The following USP9X variants were observed in gnomAD, a reference collection of about 807,000 sequenced individuals.
The protein encoded by USP9X is ubiquitin specific peptidase 9 X-linked, also known as ubiquitin carboxyl-terminal hydrolase 9X.
USP9X carries 7 observed loss-of-function variants against 190.3 expected under a neutral mutation model. The ratio of observed to expected loss-of-function variants is 0.04; its 90% CI spans 0.02 to 0.07. USP9X has a LOEUF of 0.07. USP9X is among the 10% of genes least tolerant of loss of function. USP9X has a pLI of 1.00. For missense variants in USP9X, 1,010 were observed against 1,916.9 expected, an observed-to-expected ratio of 0.53 and a Z score of 8.83; for synonymous variants, 645 against 659.5, an observed-to-expected ratio of 0.98 and a Z score of 0.34.
At chrX:41,182,193 A>G (rs1260822372) in intron 21 of USP9X, among the ~76,000 whole-genome samples, 3 of 111,432 alleles carry the variant, frequency 2.7e-5, no homozygotes, top group African/African-American at 6.5e-5. Context: ...GCAACATGGC[A>G]TAACTCTGTC....
At position 41,152,935 on chromosome X, in the gene USP9X, C is replaced by A; in HGVS notation, c.1764-13C>A. 8.3e-7 allele frequency: 1 copy of A among 1,203,317 alleles called. No individual in the cohort carries two copies. Among genetic ancestry groups the A allele is most frequent in the South Asian group, 1.8e-5 (1 of 55,381 alleles). On this transcript the variant is annotated splice_polypyrimidine_tract_variant and intron_variant, in intron 13 of 44. Coordinates refer to ENST00000378308, the MANE Select transcript of USP9X (RefSeq NM_001039591.3). ...AATTGCCTAATTATATTGTTAAGTT[C>A]TTCTCGTTTCAGTCAAACTCAGCGA...
At chrX:41,214,129 A>C (rs1474269481) in intron 33 of USP9X, among the ~76,000 whole-genome samples, 1 of 112,250 alleles carries the variant, frequency 8.9e-6, no homozygotes, top group Non-Finnish European at 1.9e-5. Context: ...ACAGAAAAGG[A>C]AGAATATATA....
At chrX:41,096,149 A>G (rs766260124) in intron 1 of USP9X, among the ~76,000 whole-genome samples, 6 of 112,369 alleles carry the variant, frequency 5.3e-5, no homozygotes, top group African/African-American at 9.7e-5. Flanking sequence ...TACTCTCTCA[A>G]TGTGGTTCCT....
chrX:41,158,043 G>A (rs890529349), intron 14 of USP9X, among the ~76,000 whole-genome samples: 5 of 111,396 alleles, frequency 4.5e-5, no homozygotes, highest in African/African-American at 1.6e-4. Context: ...GCTGGCAGAA[G>A]AATGAATCAG....
rs997468247 is a variant in USP9X, at chrX:41,085,754, TGCAGGAGGAGGA to T, written c.-502_-491del. ...GACTAGGGGAAGGTGAAGCCGTCGC[TGCAGGAGGAGGA>T]GCAGGAGGAGGTGACGCAGGAGAAA... On this transcript the variant is annotated 5_prime_UTR_variant, in exon 1 of 45. Coordinates refer to ENST00000378308, the MANE Select transcript of USP9X (RefSeq NM_001039591.3). 26 of 297,388 alleles carry T rather than the reference TGCAGGAGGAGGA, an allele frequency of 8.7e-5. No homozygotes were observed. The highest frequency in any genetic ancestry group is 8.6e-4 in the Middle Eastern group (1 of 1,159). 24.5% of individuals were successfully genotyped at this position (297,388 alleles called of 1,213,427 possible).
intron 19 of USP9X, 53 bp downstream of exon 19, chrX:41,170,288 G>T: frequency 8.7e-7 from 1 of 1,143,200 alleles, no homozygotes; most frequent in Non-Finnish European, 1.2e-6. Flanking sequence ...AGAGACTATC[G>T]TTTAATCAGT....
intron 9 of USP9X, among the ~76,000 whole-genome samples, chrX:41,142,139 C>T (rs2062428088): frequency 9.1e-6 from 1 of 110,313 alleles, no homozygotes; most frequent in Non-Finnish European, 1.9e-5. Flanking sequence ...TAGATATTGC[C>T]CTGTGTTAGG....
Position 41,218,675 on chromosome X carries a change from A to T in USP9X, c.6435+78A>T, listed in dbSNP as rs775230426. On this transcript the variant is annotated intron_variant, in intron 37 of 44. Coordinates refer to ENST00000378308, the MANE Select transcript of USP9X (RefSeq NM_001039591.3). ...TTTCCTGGAAGTCGAAGTCACAAGC[A>T]TATGTGCATCCACTTGATATGTTTA... is the stretch of plus-strand genomic sequence containing the variant. The T allele has an allele frequency of 3.2e-6, 3 of 934,736 alleles. No individual in the cohort carries two copies. In the African/African-American group the frequency reaches 5.8e-5, roughly 18 times the overall value. 77.0% of individuals were successfully genotyped at this position (934,736 alleles called of 1,213,427 possible). A position where few individuals can be genotyped will look rare whatever the true frequency, so the allele number is the denominator to read the frequency against.
intron 1 of USP9X, among the ~76,000 whole-genome samples, chrX:41,119,005 A>C (rs1363788864): frequency 8.9e-6 from 1 of 111,790 alleles, no homozygotes; most frequent in Non-Finnish European, 1.9e-5. Context: ...ATTGAGAAGC[A>C]GTTATTTGAT....
intron 15 of USP9X, among the ~76,000 whole-genome samples, chrX:41,164,123 G>A (rs1194136860): frequency 1.8e-5 from 2 of 111,143 alleles, no homozygotes; most frequent in Admixed American, 1.9e-4. Flanking sequence ...TGCCCGCCTC[G>A]GTCCCCCAAA....
intron 34 of USP9X, among the ~76,000 whole-genome samples, 177 bp downstream of exon 34, chrX:41,214,886 A>G (rs773496475): frequency 2.1e-4 from 24 of 112,340 alleles, no homozygotes; most frequent in African/African-American, 7.4e-4. Context: ...GGAAGGAAAA[A>G]AAGTAGTGCC....
intron 23 of USP9X, 98 bp downstream of exon 23, chrX:41,184,773 A>T: frequency 1.3e-6 from 1 of 758,027 alleles, no homozygotes; most frequent in Non-Finnish European, 1.8e-6. Flanking sequence ...AGGTTGACTC[A>T]ATGTTCAAAG....
chrX:41,174,382 C>T (rs1004177705), intron 21 of USP9X, among the ~76,000 whole-genome samples: 1 of 111,685 alleles, frequency 9.0e-6, no homozygotes, highest in African/African-American at 3.3e-5. Context: ...CGGGGAATAA[C>T]TGTATTGCAT....
At chrX:41,167,634 C>G in intron 17 of USP9X, 57 bp downstream of exon 17, 1 of 904,632 alleles carries the variant, frequency 1.1e-6, no homozygotes, top group South Asian at 2.5e-5. Context: ...CCCCATTTCT[C>G]TTATACAAAA....
In USP9X at chrX:41,161,329, C is replaced by CTTTTTTTTTTTTTTT. The variant is rs1158519140; in HGVS notation, c.1898-1448_1898-1434dup. ...GTAAAGAGTATAAGAGAATTCTTGCCTTTTTTTTTTTTTTTTTTTTTTTTT... is the reference window on the plus strand; with the variant it reads ...GTAAAGAGTATAAGAGAATTCTTGCCTTTTTTTTTTTTTTTTTTTTTTTTTTTTTTTTTTTTTTTT... On this transcript the variant is annotated intron_variant, in intron 14 of 44. Coordinates refer to ENST00000378308, the MANE Select transcript of USP9X (RefSeq NM_001039591.3). Among the ~76,000 whole-genome samples, 3 of 32,468 alleles carry CTTTTTTTTTTTTTTT rather than the reference C, an allele frequency of 9.2e-5. 1 individual carries two copies. The allele number at this position is 32,468 out of a possible 115,157, so 28.2% of individuals were successfully genotyped here.
intron 1 of USP9X, among the ~76,000 whole-genome samples, chrX:41,116,637 A>C (rs1356205260): frequency 1.8e-5 from 2 of 112,429 alleles, no homozygotes; most frequent in Non-Finnish European, 3.8e-5. Flanking sequence ...TGAAGGCAAT[A>C]TTTTCAGATT....
At chrX:41,223,905 AAGAATT>A (rs2147263875) in intron 39 of USP9X, among the ~76,000 whole-genome samples, 1 of 112,104 alleles carries the variant, frequency 8.9e-6, no homozygotes, top group East Asian at 2.8e-4. Context: ...GAAATAGTTT[AAGAATT>A]AACTTTTTAG....
At position 41,123,508 on chromosome X, in the gene USP9X, A is replaced by G. The variant is rs2062207863; in HGVS notation, c.-121A>G. 1 of 570,047 alleles carries G rather than the reference A, an allele frequency of 1.8e-6. No homozygotes were observed. The highest frequency in any genetic ancestry group is 3.0e-6 in the Non-Finnish European group (1 of 338,696). 47.0% of individuals were successfully genotyped at this position (570,047 alleles called of 1,213,427 possible). A position where few individuals can be genotyped will look rare whatever the true frequency, so the allele number is the denominator to read the frequency against. The stretch of plus-strand genomic sequence containing the variant: ...TCTCTGCAAGATGGTTTATTCTTGA[A>G]TTGGACCTTTTTAAGACTGACAAAT... On this transcript the variant is annotated 5_prime_UTR_variant, in exon 2 of 45. Transcript: ENST00000378308.
chrX:41,099,122 T>TA (rs1366457420), intron 1 of USP9X, among the ~76,000 whole-genome samples: 4 of 77,959 alleles, frequency 5.1e-5, no homozygotes, highest in African/African-American at 5.1e-5. Flanking sequence ...TTTTTTTTTT[T>TA]AAACAGAGAT....
Sources: allele counts gnomAD v4.1 joint callset (sites outside exome capture counted in the v4.1 genomes callset), GRCh38; gene constraint gnomAD v4.1.1; transcripts MANE v1.5; gene names NCBI Gene and HGNC (gene_info 2026-07-23, HGNC 2026-07-21).